The following TAOK3 variants were observed in gnomAD, a reference collection of about 807,000 sequenced individuals.
The protein encoded by TAOK3 is TAO kinase 3, also known as serine/threonine-protein kinase TAO3.
In TAOK3, 40 loss-of-function variants were observed where a neutral mutation model predicts 120.4. The observed-to-expected ratio is 0.33, with a 90% CI of 0.26 to 0.43. TAOK3 has a LOEUF of 0.43. Ranked by LOEUF, TAOK3 falls within the 20% of genes least tolerant of loss-of-function variation. TAOK3 has a pLI of 1.00. For synonymous variants in TAOK3, 355 were observed against 387.5 expected, an observed-to-expected ratio of 0.92 and a Z score of 0.99; for missense variants, 821 against 1,112.1, an observed-to-expected ratio of 0.74 and a Z score of 3.72.
intron 9 of TAOK3, among the ~76,000 whole-genome samples, chr12:118,215,428 C>T (rs992698776): frequency 1.3e-5 from 2 of 151,246 alleles, no homozygotes; most frequent in Non-Finnish European, 2.9e-5. Flanking sequence ...AGGAGAATGG[C>T]ATGAACCCGA....
At chr12:118,188,433 T>C (rs2037206639) in intron 14 of TAOK3, among the ~76,000 whole-genome samples, 1 of 152,196 alleles carries the variant, frequency 6.6e-6, no homozygotes, top group Non-Finnish European at 1.5e-5. Flanking sequence ...CATTACATAG[T>C]GTAGCATTCC....
chr12:118,217,273 A>T (rs1040554527), intron 9 of TAOK3, among the ~76,000 whole-genome samples: 1 of 152,220 alleles, frequency 6.6e-6, no homozygotes, highest in Non-Finnish European at 1.5e-5. Flanking sequence ...CAAGGTTGAA[A>T]AGTAGTAAAC....
intron 9 of TAOK3, among the ~76,000 whole-genome samples, chr12:118,224,352 AT>A: frequency 6.6e-6 from 1 of 152,382 alleles, no homozygotes; most frequent in South Asian, 2.1e-4. Context: ...CGATCATGGT[AT>A]TCATTTATTA....
intron 9 of TAOK3, among the ~76,000 whole-genome samples, chr12:118,219,851 C>A (rs2039139817): frequency 7.1e-6 from 1 of 141,032 alleles, no homozygotes. Flanking sequence ...TGGGCTCAAG[C>A]GATCTGCCCG....
At chr12:118,256,551 C>CA (rs2040995766) in intron 2 of TAOK3, among the ~76,000 whole-genome samples, 3 of 152,168 alleles carry the variant, frequency 2.0e-5, no homozygotes, top group African/African-American at 7.2e-5. Flanking sequence ...GTGGTATATC[C>CA]ATATAATGGA....
chr12:118,163,470 G>A (rs2035360872), intron 17 of TAOK3, among the ~76,000 whole-genome samples: 1 of 149,538 alleles, frequency 6.7e-6, no homozygotes, highest in Non-Finnish European at 1.5e-5. Context: ...GGGTAGAGAT[G>A]GGGTCTCACT....
At chr12:118,250,640 A>G (rs561404462) in intron 3 of TAOK3, among the ~76,000 whole-genome samples, 1 of 152,338 alleles carries the variant, frequency 6.6e-6, no homozygotes, top group East Asian at 1.9e-4. Context: ...GAATTGGGCT[A>G]AGTGCTAGGG....
chr12:118,288,838 C>A (rs1445994780), intron 1 of TAOK3, among the ~76,000 whole-genome samples: 1 of 147,598 alleles, frequency 6.8e-6, no homozygotes, highest in South Asian at 2.1e-4. Context: ...ACAGGTTGAA[C>A]CCAGGAAGTG....
intron 1 of TAOK3, among the ~76,000 whole-genome samples, chr12:118,333,850 T>C (rs1463737903): frequency 6.8e-6 from 1 of 146,856 alleles, no homozygotes; most frequent in Non-Finnish European, 1.5e-5. Flanking sequence ...AAAAAAAAAA[T>C]TGAGGCTGGG....
intron 1 of TAOK3, among the ~76,000 whole-genome samples, chr12:118,354,657 G>A (rs2045319301): frequency 1.3e-5 from 2 of 151,872 alleles, no homozygotes; most frequent in African/African-American, 4.8e-5. Flanking sequence ...AGTGAATCAT[G>A]GGGTGGGTCT....
At chr12:118,294,910 CCAGGTGAAGAGG>C (rs781544549) in intron 1 of TAOK3, among the ~76,000 whole-genome samples, 5 of 151,996 alleles carry the variant, frequency 3.3e-5, no homozygotes, top group Non-Finnish European at 5.9e-5. Flanking sequence ...AGAGAATGAT[CCAGGTGAAGAGG>C]CTGGGGAAAG....
chr12:118,312,300 T>TA (rs1378383841), intron 1 of TAOK3, among the ~76,000 whole-genome samples: 2 of 150,724 alleles, frequency 1.3e-5, no homozygotes, highest in Non-Finnish European at 3.0e-5. Flanking sequence ...GGCTTGACAT[T>TA]AAAAAAAAAT....
chr12:118,261,637 C>CACCAA lies in TAOK3; in HGVS notation c.-89+5013_-89+5017dup, dbSNP rs542293084. The CACCAA allele has an allele frequency of 1.9e-3, 292 of 152,258 alleles. 1 individual carries two copies. Among genetic ancestry groups the CACCAA allele is most frequent in the African/African-American group, 6.8e-3 (283 of 41,558 alleles). The allele number at this position is 152,258 out of a possible 1,614,324, so 9.4% of individuals were successfully genotyped here. A position where few individuals can be genotyped will look rare whatever the true frequency, so the allele number is the denominator to read the frequency against. On this transcript the variant is annotated intron_variant, in intron 2 of 20. Coordinates refer to ENST00000392533, the MANE Select transcript of TAOK3 (RefSeq NM_016281.4). ...ATAGCAAGATCCTCTCTCTTTACAA[C>CACCAA]ACCAAACCAAACCAAACAAAAACAT...
At chr12:118,257,106 G>C (rs1363185077) in intron 2 of TAOK3, among the ~76,000 whole-genome samples, 1 of 152,094 alleles carries the variant, frequency 6.6e-6, no homozygotes, top group South Asian at 2.1e-4. Flanking sequence ...CTAAGACTTT[G>C]ATGGGCTAAA....
intron 1 of TAOK3, among the ~76,000 whole-genome samples, chr12:118,306,831 A>G (rs1342230855): frequency 6.6e-6 from 1 of 152,224 alleles, no homozygotes; most frequent in African/African-American, 2.4e-5. Context: ...AGTACATTCA[A>G]ATAGAATGCT....
chr12:118,310,705 T>C (rs919863369), intron 1 of TAOK3, among the ~76,000 whole-genome samples: 4 of 152,194 alleles, frequency 2.6e-5, no homozygotes, highest in Admixed American at 6.5e-5. Context: ...ATCCTTCTAT[T>C]ATATAAATAG....
intron 17 of TAOK3, among the ~76,000 whole-genome samples, chr12:118,163,452 G>GA (rs1231909384): frequency 2.7e-5 from 4 of 149,114 alleles, no homozygotes. Context: ...TTTTTTTGGG[G>GA]GGGGTGGGGG....
intron 1 of TAOK3, among the ~76,000 whole-genome samples, chr12:118,288,720 A>C (rs2042353823): frequency 6.6e-6 from 1 of 150,744 alleles, no homozygotes; most frequent in Non-Finnish European, 1.5e-5. Flanking sequence ...ATTCAAGACC[A>C]GCCTGGGCAA....
chr12:118,214,585 T>A (rs2038791121), intron 9 of TAOK3, among the ~76,000 whole-genome samples: 2 of 151,606 alleles, frequency 1.3e-5, no homozygotes, highest in African/African-American at 4.8e-5. Context: ...CAACTTTTTT[T>A]TTTTTTTTTG....
Sources: allele counts gnomAD v4.1 joint callset (sites outside exome capture counted in the v4.1 genomes callset), GRCh38; gene constraint gnomAD v4.1.1; transcripts MANE v1.5; gene names NCBI Gene and HGNC (gene_info 2026-07-23, HGNC 2026-07-21).